The following RNF216 variants were observed in gnomAD, a reference collection of about 807,000 sequenced individuals.
RNF216 encodes E3 ubiquitin-protein ligase RNF216.
A neutral mutation model predicts 110.8 loss-of-function variants in RNF216; 72 were observed. That is an observed-to-expected ratio of 0.65 (90% confidence interval 0.54 to 0.79). The LOEUF (loss-of-function observed/expected upper bound fraction) is 0.79. Ranked by LOEUF, RNF216 falls within the 30% of genes least tolerant of loss-of-function variation. The pLI, the probability that RNF216 is intolerant of heterozygous loss-of-function variation, is 0.00. For missense variants in RNF216, 1,342 were observed against 1,141.2 expected (o/e 1.18, Z -2.54); for synonymous variants, 495 against 407.5 (o/e 1.21, Z -2.59).
chr7:5,637,825 G>A (rs1410717650), intron 15 of RNF216, among the ~76,000 whole-genome samples: 1 of 152,226 alleles, frequency 6.6e-6, no homozygotes, highest in African/African-American at 2.4e-5. Context: ...ACAGGCATGA[G>A]CCACTGCACC....
rs933140651 is a variant in RNF216, at chr7:5,776,863, T to C, written c.-70+4678A>G. Among the ~76,000 whole-genome samples the C allele has an allele frequency of 2.0e-3, 245 of 123,170 alleles. 1 individual carries two copies. The highest frequency in any genetic ancestry group is 1.1e-3 in the Non-Finnish European group (71 of 63,702). The allele number at this position is 123,170 out of a possible 152,430, so 80.8% of individuals were successfully genotyped here. A position where few individuals can be genotyped will look rare whatever the true frequency, so the allele number is the denominator to read the frequency against. On this transcript the variant is annotated intron_variant, in intron 1 of 16. Coordinates refer to ENST00000389902, the MANE Select transcript of RNF216 (RefSeq NM_207111.4). ...TTGCAGTGAGCTGATATTGTGCCAC[T>C]GCACTCCAGCCTGTGCGACAGAGGG...
chr7:5,702,555 C>T (rs979133714), intron 13 of RNF216, among the ~76,000 whole-genome samples: 2 of 152,030 alleles, frequency 1.3e-5, no homozygotes, highest in African/African-American at 4.8e-5. Flanking sequence ...GCAACATTTG[C>T]CTTTTATTAT....
Position 5,712,702 on chromosome 7 carries a change from C to A in RNF216, c.1982+13G>T, listed in dbSNP as rs759514977. On this transcript the variant is annotated intron_variant, in intron 12 of 16. Transcript: ENST00000389902. ...AAGAGTTGGCAGATGGCACGCTCTG[C>A]CTGAGAACGAACCTGACAAGCTCGT... The A allele has an allele frequency of 6.8e-6, 11 of 1,613,854 alleles. No individual in the cohort carries two copies. Among genetic ancestry groups the A allele is most frequent in the Non-Finnish European group, 9.3e-6 (11 of 1,179,852 alleles).
At chr7:5,752,819 C>G in intron 3 of RNF216, 27 bp downstream of exon 3, 1 of 1,604,590 alleles carries the variant, frequency 6.2e-7, no homozygotes, top group Non-Finnish European at 8.5e-7. Flanking sequence ...GCAATAATGT[C>G]TCATTGTAAG....
At chr7:5,689,280 G>A (rs925238944) in intron 13 of RNF216, among the ~76,000 whole-genome samples, 3 of 150,636 alleles carry the variant, frequency 2.0e-5, no homozygotes, top group South Asian at 2.1e-4. Context: ...TGAGGTATAG[G>A]AAAAGTGACA....
At chr7:5,749,243 T>C (rs554896741) in intron 3 of RNF216, among the ~76,000 whole-genome samples, 2 of 150,932 alleles carry the variant, frequency 1.3e-5, no homozygotes, top group East Asian at 3.9e-4. Context: ...CTCCATCTCC[T>C]GGGTTTAAGC....
At chr7:5,758,983 A>C (rs1224294106) in intron 2 of RNF216, among the ~76,000 whole-genome samples, 2 of 152,164 alleles carry the variant, frequency 1.3e-5, no homozygotes. Flanking sequence ...TGTAAACCCC[A>C]ATGTTGGAGA....
chr7:5,674,467 TAAA>T (rs532178772), intron 13 of RNF216, among the ~76,000 whole-genome samples: 1 of 139,882 alleles, frequency 7.1e-6, no homozygotes, highest in Admixed American at 7.2e-5. Flanking sequence ...CTACATCTCT[TAAA>T]AAAAAAAAAA....
chr7:5,709,942 G>C (rs1485758152), intron 13 of RNF216, among the ~76,000 whole-genome samples: 3 of 152,074 alleles, frequency 2.0e-5, no homozygotes, highest in Non-Finnish European at 4.4e-5. Flanking sequence ...TTTTTTTGTA[G>C]AGATAGGGTC....
intron 14 of RNF216, among the ~76,000 whole-genome samples, chr7:5,643,514 G>A (rs530875475): frequency 6.6e-6 from 1 of 152,130 alleles, no homozygotes; most frequent in South Asian, 2.1e-4. Flanking sequence ...GCCAGCGACA[G>A]CCCAGACTCC....
intron 13 of RNF216, among the ~76,000 whole-genome samples, chr7:5,710,906 G>A (rs1375326053): frequency 6.6e-6 from 1 of 152,186 alleles, no homozygotes; most frequent in African/African-American, 2.4e-5. Context: ...TGTGACAATT[G>A]TTATAGCAAC....
intron 13 of RNF216, among the ~76,000 whole-genome samples, chr7:5,657,741 C>T (rs181428169): frequency 3.3e-5 from 5 of 152,064 alleles, no homozygotes; most frequent in African/African-American, 7.2e-5. Flanking sequence ...CCCACCCATA[C>T]GCCCAAATGA....
At position 5,739,283 on chromosome 7, in the gene RNF216, G is replaced by C; in HGVS notation, c.1114C>G (p.Leu372Val). The change falls in exon 5 of 17, where the codon CTG (leucine) becomes GTG (valine). Residue 372 changes from leucine (L) to valine (V), a missense_variant. Coordinates refer to ENST00000389902, the MANE Select transcript of RNF216 (RefSeq NM_207111.4). ...GCATGGTAGTATACTTACACATTCA[G>C]ATCATAATAATTCTTAAAATGAATT... ...EIIHFKNYYDLNVLCNFLLEN... is the reference protein window; with the variant it reads ...EIIHFKNYYDVNVLCNFLLEN... 1 of 1,592,130 alleles carries C rather than the reference G, an allele frequency of 6.3e-7. No individual in the cohort carries two copies. The highest frequency in any genetic ancestry group is 8.5e-7 in the Non-Finnish European group (1 of 1,173,356).
chr7:5,702,410 C>T (rs779980675), intron 13 of RNF216, among the ~76,000 whole-genome samples: 53 of 152,078 alleles, frequency 3.5e-4, no homozygotes, highest in Non-Finnish European at 5.4e-4. Context: ...TTCATATTGG[C>T]GTTTTGTTAT....
intron 15 of RNF216, among the ~76,000 whole-genome samples, chr7:5,625,206 T>C (rs74510355): frequency 1.3e-5 from 2 of 152,174 alleles, no homozygotes; most frequent in Non-Finnish European, 2.9e-5. Flanking sequence ...AGGAAAGAGA[T>C]AGCTGACTAT....
chr7:5,775,687 C>T (rs768643138), intron 1 of RNF216, among the ~76,000 whole-genome samples: 5 of 151,828 alleles, frequency 3.3e-5, no homozygotes, highest in African/African-American at 9.7e-5. Flanking sequence ...CTGGCCAACA[C>T]GGTAAAACCT....
chr7:5,682,180 G>A (rs183310969), intron 13 of RNF216, among the ~76,000 whole-genome samples: 58 of 152,198 alleles, frequency 3.8e-4, no homozygotes, highest in Non-Finnish European at 1.9e-4. Flanking sequence ...TTGCAAAGTT[G>A]GCAGATTCTG....
intron 3 of RNF216, 141 bp from the exon 4 acceptor site, chr7:5,741,956 T>C (rs1794783020): frequency 1.2e-6 from 1 of 819,362 alleles, no homozygotes; most frequent in East Asian, 2.7e-5. Flanking sequence ...TTTACATTTA[T>C]CTTAACACTG....
At chr7:5,755,525 C>T (rs1206038892) in intron 2 of RNF216, among the ~76,000 whole-genome samples, 1 of 152,176 alleles carries the variant, frequency 6.6e-6, no homozygotes, top group African/African-American at 2.4e-5. Context: ...TGCTCTCCTT[C>T]GTCCTCAAAG....
Sources: allele counts gnomAD v4.1 joint callset (sites outside exome capture counted in the v4.1 genomes callset), GRCh38; gene constraint gnomAD v4.1.1; transcripts MANE v1.5; gene names NCBI Gene and HGNC (gene_info 2026-07-23, HGNC 2026-07-21).